CFAP45: variants seen among roughly 807,000 people sequenced by gnomAD.
CFAP45 encodes cilia and flagella associated protein 45.
In CFAP45, 43 loss-of-function variants were observed where a neutral mutation model predicts 75.6. That is an observed-to-expected ratio of 0.57 (90% CI 0.45 to 0.73). CFAP45 has a LOEUF of 0.73. Among genes scored for constraint, CFAP45 ranks in the 30% least tolerant of loss-of-function variants. CFAP45 has a pLI of 0.00. For synonymous variants in CFAP45, 223 were observed against 244.6 expected (o/e 0.91, Z 0.82); for missense variants, 689 against 701.5 (o/e 0.98, Z 0.20).
chr1:159,891,116 T>C (rs1649820368), intron 2 of CFAP45, among the ~76,000 whole-genome samples: 1 of 152,180 alleles, frequency 6.6e-6, no homozygotes, highest in Non-Finnish European at 1.5e-5. Context: ...CCTCGCAGAA[T>C]GGTAGGGATA....
At position 159,873,171 on chromosome 1, in the gene CFAP45, G is replaced by A; in HGVS notation, c.1353-3C>T. The A allele has an allele frequency of 6.2e-7, 1 of 1,612,474 alleles. No homozygotes were observed. Among genetic ancestry groups the A allele is most frequent in the Non-Finnish European group, 8.5e-7 (1 of 1,179,258 alleles). On this transcript the variant is annotated splice_region_variant and splice_polypyrimidine_tract_variant and intron_variant, in intron 10 of 11. Coordinates refer to ENST00000368099, the MANE Select transcript of CFAP45 (RefSeq NM_012337.3). Reference sequence around the variant, plus strand: ...TCTCAATCTGTTCTCTCTGAGCCCTGGGGGAGGGAAACAGGAATGGAATGA... The same window carrying A: ...TCTCAATCTGTTCTCTCTGAGCCCTAGGGGAGGGAAACAGGAATGGAATGA...
chr1:159,893,115 T>C (rs1649865491), intron 2 of CFAP45, 65 bp downstream of exon 2: 3 of 1,588,518 alleles, frequency 1.9e-6, no homozygotes, highest in East Asian at 4.5e-5. Flanking sequence ...AGCTTTGCCC[T>C]GAGCTACATT....
Position 159,893,177 on chromosome 1 carries a change from TA to T in CFAP45, c.129+2del. On this transcript the variant is annotated splice_donor_variant, in intron 2 of 11. Coordinates refer to ENST00000368099, the MANE Select transcript of CFAP45 (RefSeq NM_012337.3). LOFTEE classifies it high-confidence loss of function. The stretch of plus-strand genomic sequence containing the variant: ...CAACTTGAAAGGACTTGTTGAGGAT[TA>T]CCTTGATATCTCCAAAGAGGCTCTC... 6.2e-7 allele frequency: 1 copy of T among 1,613,732 alleles called. No homozygotes were observed. Among genetic ancestry groups the T allele is most frequent in the Non-Finnish European group, 8.5e-7 (1 of 1,179,716 alleles).
rs1253627249 is a variant in CFAP45, at chr1:159,893,274, G to A, written c.35C>T (p.Ser12Phe). The change falls in exon 2 of 12, where the codon TCT (serine) becomes TTT (phenylalanine). Residue 12 changes from serine to phenylalanine, a missense_variant. Coordinates refer to ENST00000368099, the MANE Select transcript of CFAP45 (RefSeq NM_012337.3). ...CCTTGACCTGTTGGAAGCGGCAGAA[G>A]AGGAGCTCAGGATGCCAGCTGTGCT... ...PLSTAGILSS[S>F]SAASNRSRNK... 1 of 1,613,710 alleles carries A rather than the reference G, an allele frequency of 6.2e-7. No individual in the cohort carries two copies. The highest frequency in any genetic ancestry group is 1.1e-5 in the South Asian group (1 of 91,050).
Position 159,880,940 on chromosome 1 carries a change from C to T in CFAP45, c.898-240G>A, listed in dbSNP as rs118029427. Among the ~76,000 whole-genome samples the T allele has an allele frequency of 5.4e-4, 83 of 152,310 alleles. No individual in the cohort carries two copies. In the East Asian group the frequency reaches 0.015, roughly 27 times the overall value. On this transcript the variant is annotated intron_variant, in intron 7 of 11. Transcript: ENST00000368099. ...TGTGGCAGCCCCTGATGCTATTGATCTCTATATTTTCAGGAAGCAGAAGCT... is the reference window on the plus strand; with the variant it reads ...TGTGGCAGCCCCTGATGCTATTGATTTCTATATTTTCAGGAAGCAGAAGCT...
chr1:159,886,056 T>G (rs903292077), intron 6 of CFAP45, among the ~76,000 whole-genome samples: 1 of 152,100 alleles, frequency 6.6e-6, no homozygotes, highest in Non-Finnish European at 1.5e-5. Flanking sequence ...CTTCTAAAAA[T>G]TCTGTGATTC....
At chr1:159,880,231 T>C (rs1571181329) in intron 8 of CFAP45, among the ~76,000 whole-genome samples, 3 of 152,228 alleles carry the variant, frequency 2.0e-5, no homozygotes, top group African/African-American at 7.2e-5. Flanking sequence ...ACGCAAGTCA[T>C]GACAAATCCA....
At chr1:159,887,176 A>C (rs1649710256) in intron 5 of CFAP45, among the ~76,000 whole-genome samples, 1 of 152,218 alleles carries the variant, frequency 6.6e-6, no homozygotes, top group Admixed American at 6.5e-5. Context: ...GGAAGAGCCC[A>C]ACATGACACA....
rs1376348985 is a variant in CFAP45, at chr1:159,893,169, T to C, written c.129+11A>G. On this transcript the variant is annotated intron_variant, in intron 2 of 11. Transcript: ENST00000368099. ...GGTGGCATCAACTTGAAAGGACTTGTTGAGGATTACCTTGATATCTCCAAA... is the reference window on the plus strand; with the variant it reads ...GGTGGCATCAACTTGAAAGGACTTGCTGAGGATTACCTTGATATCTCCAAA... 9.3e-6 allele frequency: 15 copies of C among 1,613,508 alleles called. No homozygotes were observed. The highest frequency in any genetic ancestry group is 1.2e-5 in the Non-Finnish European group (14 of 1,179,604).
chr1:159,882,146 G>A (rs1199831863), intron 7 of CFAP45, among the ~76,000 whole-genome samples: 1 of 152,184 alleles, frequency 6.6e-6, no homozygotes, highest in Admixed American at 6.5e-5. Flanking sequence ...TGTGGTGCGT[G>A]AGTCACAGAC....
intron 2 of CFAP45, among the ~76,000 whole-genome samples, chr1:159,892,184 G>C (rs1458327706): frequency 1.3e-5 from 2 of 152,150 alleles, no homozygotes; most frequent in African/African-American, 2.4e-5. Flanking sequence ...CTACTTGGGA[G>C]GCTGAGGCAG....
intron 3 of CFAP45, among the ~76,000 whole-genome samples, chr1:159,889,453 T>A (rs1353406841): frequency 6.6e-6 from 1 of 152,180 alleles, no homozygotes; most frequent in Non-Finnish European, 1.5e-5. Context: ...GTGAGTAGAT[T>A]TGCAGCTTAG....
In CFAP45 at chr1:159,876,667, A is replaced by G. The variant is rs925001221; in HGVS notation, c.1241T>C (p.Met414Thr). ...RKEKENARKKMETEAELRKSR... is the reference protein window; with the variant it reads ...RKEKENARKKTETEAELRKSR... ...TTTTCGCAGCTCAGCCTCTGTTTCC[A>G]TCTTCTTCCGCGCATTTTCCTTTTC... The change falls in exon 10 of 12, where the codon ATG (methionine) becomes ACG (threonine). Residue 414 changes from methionine (M) to threonine (T), a missense_variant. By Grantham distance (81) the Met-to-Thr change is moderately conservative. Transcript: ENST00000368099. 6 of 1,614,046 alleles carry G rather than the reference A, an allele frequency of 3.7e-6. No homozygotes were observed. Among genetic ancestry groups the G allele is most frequent in the Non-Finnish European group, 4.2e-6 (5 of 1,180,032 alleles).
At chr1:159,890,695 T>A in intron 2 of CFAP45, 73 bp from the exon 3 acceptor site, 1 of 1,407,218 alleles carries the variant, frequency 7.1e-7, no homozygotes, top group Non-Finnish European at 1.0e-6. Flanking sequence ...ACTTCAAGGA[T>A]AGAGCAGCGT....
At chr1:159,893,534 A>G (rs1051896753) in intron 1 of CFAP45, among the ~76,000 whole-genome samples, 2 of 152,226 alleles carry the variant, frequency 1.3e-5, no homozygotes, top group African/African-American at 4.8e-5. Context: ...CTCTGCATAA[A>G]GCAGCATTTG....
intron 5 of CFAP45, 52 bp downstream of exon 5, chr1:159,887,789 G>T: frequency 1.9e-6 from 3 of 1,556,732 alleles, no homozygotes; most frequent in Non-Finnish European, 2.6e-6. Context: ...TAAGGGGAGG[G>T]CGGAGGGATG....
At chr1:159,875,361 G>T (rs114141318) in intron 10 of CFAP45, among the ~76,000 whole-genome samples, 2,735 of 152,132 alleles carry the variant, frequency 0.018, 47 homozygotes, top group Middle Eastern at 0.031. Flanking sequence ...TTCTTCACTA[G>T]GTGTCCAGTG....
intron 10 of CFAP45, 92 bp from the exon 11 acceptor site, chr1:159,873,260 G>C: frequency 1.0e-6 from 1 of 1,003,048 alleles, no homozygotes; most frequent in Non-Finnish European, 1.5e-6. Context: ...GGCTCCTTCA[G>C]TAGACATGCC....
intron 7 of CFAP45, among the ~76,000 whole-genome samples, chr1:159,883,512 G>A (rs547695160): frequency 6.6e-6 from 1 of 152,124 alleles, no homozygotes; most frequent in South Asian, 2.1e-4. Context: ...GGTGATAATG[G>A]TATTGTTGAC....
Sources: gnomAD v4.1 joint callset for allele counts (sites outside exome capture counted in the v4.1 genomes callset) on GRCh38, gnomAD v4.1.1 for gene constraint, MANE v1.5 for transcripts, NCBI Gene and HGNC (gene_info 2026-07-23, HGNC 2026-07-21) for gene names.